Variants in SEC14L3 observed in about 807,000 individuals in gnomAD.
SEC14L3 encodes the protein SEC14-like protein 3.
In SEC14L3, 56 loss-of-function variants were observed where a neutral mutation model predicts 57.4. The ratio of observed to expected loss-of-function variants is 0.97; its 90% CI spans 0.79 to 1.22. SEC14L3 has a LOEUF of 1.22. SEC14L3 is among the 50% of genes most tolerant of loss of function. The probability of loss-of-function intolerance (pLI) is 0.00; values close to 1 mark genes in which losing one functional copy is unlikely to be tolerated. For missense variants in SEC14L3, 485 were observed against 511.7 expected, an observed-to-expected ratio of 0.95 and a Z score of 0.50; for synonymous variants, 173 against 194.4, an observed-to-expected ratio of 0.89 and a Z score of 0.92.
intron 1 of SEC14L3, chr22:30,471,032 C>G (rs1286852946): frequency 6.3e-6 from 2 of 316,658 alleles, no homozygotes; most frequent in South Asian, 2.6e-5. Context: ...CGCCTGTCAT[C>G]CCAGCACTTT....
Position 30,459,545 on chromosome 22 carries a change from T to C in SEC14L3, c.*476A>G, listed in dbSNP as rs564969707. On this transcript the variant is annotated 3_prime_UTR_variant, in exon 12 of 12. Coordinates refer to ENST00000215812, the MANE Select transcript of SEC14L3 (RefSeq NM_174975.5). ...ACCCCACATAGGCTCCTCCTAATCA[T>C]GTACAGCTGTTGAGTCACCTGCACC... 7.1e-6 allele frequency: 7 copies of C among 986,942 alleles called. No individual in the cohort carries two copies. Among genetic ancestry groups the C allele is most frequent in the African/African-American group, 5.2e-5 (3 of 57,370 alleles). 61.1% of individuals were successfully genotyped at this position (986,942 alleles called of 1,614,324 possible). A position where few individuals can be genotyped will look rare whatever the true frequency, so the allele number is the denominator to read the frequency against.
exon 13 of SEC14L3, chr22:30,448,048 G>GT (rs756623006): frequency 9.2e-5 from 14 of 151,996 alleles, no homozygotes; most frequent in Non-Finnish European, 2.1e-4. Flanking sequence ...GGGAGAGGGG[G>GT]TGGTGGAGCA....
At chr22:30,456,481 G>A (rs1291610896), downstream of SEC14L3, among the ~76,000 whole-genome samples, 1 of 152,092 alleles carries the variant, frequency 6.6e-6, no homozygotes, top group Non-Finnish European at 1.5e-5. Flanking sequence ...AGCAGAAGAG[G>A]AAGGGGAGCC....
chr22:30,466,224 C>G, intron 7 of SEC14L3, 110 bp downstream of exon 7: 1 of 1,030,568 alleles, frequency 9.7e-7, no homozygotes, highest in Non-Finnish European at 1.5e-6. Flanking sequence ...TGCATACAGC[C>G]AAGAAACCAA....
chr22:30,464,967 T>C (rs1289143463), intron 7 of SEC14L3, 64 bp from the exon 8 acceptor site: 2 of 1,609,402 alleles, frequency 1.2e-6, no homozygotes, highest in East Asian at 2.2e-5. Flanking sequence ...CCCTCCATAA[T>C]GGTTATAGCC....
chr22:30,451,799 G>T (rs1370408321), intron 12 of SEC14L3, among the ~76,000 whole-genome samples: 1 of 151,884 alleles, frequency 6.6e-6, no homozygotes, highest in Non-Finnish European at 1.5e-5. Flanking sequence ...AGACCAGCCT[G>T]GCCAACATGG....
At position 30,470,001 on chromosome 22, in the gene SEC14L3, T is replaced by C. The variant is rs1214009166; in HGVS notation, c.234+18A>G. On this transcript the variant is annotated intron_variant, in intron 4 of 11. Transcript: ENST00000215812. Reference sequence around the variant, plus strand: ...GTACGTCCGTGAAAGACTGAGGTGTTTGGCGGTGTTGGCTCACCTCTGGGG... The same window carrying C: ...GTACGTCCGTGAAAGACTGAGGTGTCTGGCGGTGTTGGCTCACCTCTGGGG... 2 of 1,522,186 alleles carry C rather than the reference T, an allele frequency of 1.3e-6. No individual in the cohort carries two copies. Among genetic ancestry groups the C allele is most frequent in the Non-Finnish European group, 1.8e-6 (2 of 1,130,750 alleles). 94.3% of individuals were successfully genotyped at this position (1,522,186 alleles called of 1,614,324 possible). A position where few individuals can be genotyped will look rare whatever the true frequency, so the allele number is the denominator to read the frequency against.
chr22:30,459,412 C>A lies in SEC14L3; in HGVS notation c.*609G>T, dbSNP rs996753965. On this transcript the variant is annotated 3_prime_UTR_variant, in exon 12 of 12. Coordinates refer to ENST00000215812, the MANE Select transcript of SEC14L3 (RefSeq NM_174975.5). ...AGGCATGTGGCCTTTGTGGCTGGGG[C>A]CCTCAAAAGACAGCCACTGCCAGAA... The A allele has an allele frequency of 7.2e-5, 71 of 985,232 alleles. No homozygotes were observed. The highest frequency in any genetic ancestry group is 8.3e-5 in the Non-Finnish European group (69 of 829,946). The allele number at this position is 985,232 out of a possible 1,614,324, so 61.0% of individuals were successfully genotyped here.
intron 2 of SEC14L3, 122 bp downstream of exon 2, chr22:30,470,385 C>A: frequency 6.3e-7 from 1 of 1,596,296 alleles, no homozygotes; most frequent in South Asian, 1.1e-5. Flanking sequence ...CTCCTCTGGA[C>A]CTGAACATGT....
At position 30,466,377 on chromosome 22, in the gene SEC14L3, T is replaced by C. The variant is rs1349275369; in HGVS notation, c.537A>G (p.Glu179=). ...EVYQEFFGLL[E]ENYPETLKFM... The stretch of plus-strand genomic sequence containing the variant: ...ACTTCAGGGTCTCTGGGTAATTCTC[T>C]TCAAGGAGGCCAAAGAACTGTGGAA... Residue 179 remains glutamate, a synonymous_variant, in exon 7 of 12, where the codon GAA becomes GAG. Coordinates refer to ENST00000215812, the MANE Select transcript of SEC14L3 (RefSeq NM_174975.5). 2.5e-6 allele frequency: 4 copies of C among 1,613,956 alleles called. No individual in the cohort carries two copies. In the East Asian group the frequency reaches 6.7e-5, roughly 27 times the overall value.
chr22:30,461,233 CCT>C, intron 11 of SEC14L3, 75 bp downstream of exon 11: 2 of 1,506,290 alleles, frequency 1.3e-6, no homozygotes. Flanking sequence ...TGTCACTGCC[CCT>C]CTGTTTCCTT....
rs1935196659 is a variant in SEC14L3, at chr22:30,459,929, G to A, written c.*92C>T. 5 of 1,532,134 alleles carry A rather than the reference G, an allele frequency of 3.3e-6. No individual in the cohort carries two copies. Among genetic ancestry groups the A allele is most frequent in the Non-Finnish European group, 8.8e-7 (1 of 1,135,806 alleles). The allele number at this position is 1,532,134 out of a possible 1,614,324, so 94.9% of individuals were successfully genotyped here. Reference sequence around the variant, plus strand: ...ACTCACTAACGTCACAGAGTCAGGAGGACTAACAATCAATTTCAGGGAGGG... The same window carrying A: ...ACTCACTAACGTCACAGAGTCAGGAAGACTAACAATCAATTTCAGGGAGGG... On this transcript the variant is annotated 3_prime_UTR_variant, in exon 12 of 12. Coordinates refer to ENST00000215812, the MANE Select transcript of SEC14L3 (RefSeq NM_174975.5).
intron 12 of SEC14L3, among the ~76,000 whole-genome samples, chr22:30,453,322 G>A (rs553769367): frequency 2.0e-5 from 3 of 152,326 alleles, no homozygotes; most frequent in African/African-American, 7.2e-5. Context: ...TCTAGGAATG[G>A]AAGTAGGAGA....
chr22:30,471,011 A>G (rs1807515), intron 1 of SEC14L3: 102,501 of 309,090 alleles, frequency 0.33, 18,481 homozygotes, highest in South Asian at 0.51. Flanking sequence ...ACAGCCAGGT[A>G]TGGTGGCTCA....
rs1441275080 is a variant in SEC14L3, at chr22:30,461,523, TGGGTCTCTGA to T, written c.911+22_911+31del. 5.0e-6 allele frequency: 8 copies of T among 1,613,536 alleles called. No individual in the cohort carries two copies. The Admixed American group carries it at 8.4e-5, about 17-fold the overall frequency. On this transcript the variant is annotated intron_variant, in intron 10 of 11. Transcript: ENST00000215812. ...GGAGACAGGTTGCTGCTCAGCCTGATGGGTCTCTGAGGGGTTAGGGCCTGCCCCTACCTGA... is the reference window on the plus strand; with the variant it reads ...GGAGACAGGTTGCTGCTCAGCCTGATGGGGTTAGGGCCTGCCCCTACCTGA...
chr22:30,457,287 C>G (rs958688936), downstream of SEC14L3, among the ~76,000 whole-genome samples: 11 of 151,922 alleles, frequency 7.2e-5, no homozygotes. Flanking sequence ...TTCCCTCCAT[C>G]TTCCCTCATT....
intron 1 of SEC14L3, among the ~76,000 whole-genome samples, chr22:30,471,694 C>T (rs1479290078): frequency 6.6e-6 from 1 of 152,208 alleles, no homozygotes; most frequent in African/African-American, 2.4e-5. Context: ...CACGTTATTG[C>T]CTGGAAGTGG....
chr22:30,468,212 G>C (rs5749108), intron 5 of SEC14L3, among the ~76,000 whole-genome samples: 106,682 of 151,442 alleles, frequency 0.7, 38,573 homozygotes, highest in African/African-American at 0.86. Flanking sequence ...CTGGGAGGCG[G>C]AGGTTTCAGT....
chr22:30,468,949 G>A (rs776057301), intron 4 of SEC14L3: 114 of 1,445,106 alleles, frequency 7.9e-5, no homozygotes, highest in East Asian at 4.3e-4. Flanking sequence ...GATGTCTCCC[G>A]TGTCCCTTTC....
Sources: gnomAD v4.1 joint callset for allele counts (sites outside exome capture counted in the v4.1 genomes callset) on GRCh38, gnomAD v4.1.1 for gene constraint, MANE v1.5 for transcripts, NCBI Gene and HGNC (gene_info 2026-07-23, HGNC 2026-07-21) for gene names.